The following PRRC2C variants were observed in gnomAD, a reference collection of about 807,000 sequenced individuals.
PRRC2C encodes the protein protein PRRC2C.
In PRRC2C, 72 loss-of-function variants were observed where a neutral mutation model predicts 317.2. The ratio of observed to expected loss-of-function variants is 0.23; its 90% CI spans 0.19 to 0.28. The LOEUF (loss-of-function observed/expected upper bound fraction) is 0.28. PRRC2C is among the 10% of genes least tolerant of loss of function. PRRC2C has a pLI of 1.00. For synonymous variants in PRRC2C, 1,296 were observed against 1,205.9 expected, an observed-to-expected ratio of 1.07 and a Z score of -1.55; for missense variants, 3,074 against 3,459.7, an observed-to-expected ratio of 0.89 and a Z score of 2.80.
Position 171,541,097 on chromosome 1 carries a change from A to G in PRRC2C, c.3631A>G (p.Arg1211Gly). Residue 1211 changes from arginine (R) to glycine (G), a missense_variant, in exon 16 of 35, where the codon AGG becomes GGG. Around this residue, in one of 11 missense-constraint regions of PRRC2C, gnomAD observed 1,320 missense variants for 1,395.7 expected, o/e 0.95. Transcript: ENST00000647382. The surrounding 1 kb of genome is among the most constrained non-coding windows in gnomAD (Gnocchi z 4.1). ...TAGAGGTTCTTATGGAGGGCGTGGC[A>G]GGGGTGGTAGGGGACACACTCGAGA... is the stretch of plus-strand genomic sequence containing the variant. ...SYRGSYGGRG[R>G]GGRGHTRDYP... 1 of 1,613,830 alleles carries G rather than the reference A, an allele frequency of 6.2e-7. No individual in the cohort carries two copies. The highest frequency in any genetic ancestry group is 8.5e-7 in the Non-Finnish European group (1 of 1,179,868).
chr1:171,561,148 A>G lies in PRRC2C; in HGVS notation c.6117+45A>G, dbSNP rs753935339. The G allele has an allele frequency of 2.7e-6, 4 of 1,502,084 alleles. No individual in the cohort carries two copies. In the South Asian group the frequency reaches 3.4e-5, roughly 13 times the overall value. The allele number at this position is 1,502,084 out of a possible 1,614,324, so 93.0% of individuals were successfully genotyped here. ...AGCATAGGTGTGCTGGATTTTCCCTAATACTTCAGTGTGGCCGGGTGTGGT... is the reference window on the plus strand; with the variant it reads ...AGCATAGGTGTGCTGGATTTTCCCTGATACTTCAGTGTGGCCGGGTGTGGT... On this transcript the variant is annotated intron_variant, in intron 20 of 34. Transcript: ENST00000647382.
At chr1:171,505,997 C>T (rs1031235756) in intron 1 of PRRC2C, among the ~76,000 whole-genome samples, 1 of 152,176 alleles carries the variant, frequency 6.6e-6, no homozygotes, top group African/African-American at 2.4e-5. Context: ...GAGCAATAGA[C>T]TATACCATAT....
chr1:171,541,551 C>T lies in PRRC2C; in HGVS notation c.4085C>T (p.Ser1362Leu). ...RGGRDPGGRP[S>L]RPSTLRRPAY... is the part of the protein sequence containing the mutation. ...GGAAGGGATCCTGGAGGCCGTCCAT[C>T]ACGCCCTTCCACTTTACGAAGACCA... is the stretch of plus-strand genomic sequence containing the variant. Residue 1362 changes from serine (S) to leucine (L), a missense_variant, in exon 16 of 35, where the codon TCA becomes TTA. By Grantham distance (145) the Ser-to-Leu change is moderately radical. Around this residue, in one of 11 missense-constraint regions of PRRC2C, gnomAD observed 1,320 missense variants for 1,395.7 expected, o/e 0.95. Transcript: ENST00000647382. The surrounding 1 kb of genome is among the most constrained non-coding windows in gnomAD (Gnocchi z 4.1). 2 of 1,613,440 alleles carry T rather than the reference C, an allele frequency of 1.2e-6. No individual in the cohort carries two copies. The highest frequency in any genetic ancestry group is 1.7e-6 in the Non-Finnish European group (2 of 1,179,764).
intron 1 of PRRC2C, among the ~76,000 whole-genome samples, chr1:171,496,859 G>A (rs943430336): frequency 2.0e-5 from 3 of 151,678 alleles, no homozygotes; most frequent in Non-Finnish European, 4.4e-5. Flanking sequence ...AGAGTGCAGT[G>A]GTGCAATCAT....
chr1:171,504,884 A>T (rs1366867154), intron 1 of PRRC2C, among the ~76,000 whole-genome samples: 1 of 152,138 alleles, frequency 6.6e-6, no homozygotes, highest in Non-Finnish European at 1.5e-5. Context: ...AAAATAATTG[A>T]CATCTTAATA....
chr1:171,486,978 A>G (rs1666245843), intron 1 of PRRC2C, among the ~76,000 whole-genome samples: 1 of 152,222 alleles, frequency 6.6e-6, no homozygotes, highest in South Asian at 2.1e-4. Context: ...CCCCTAAAAA[A>G]TTAGGAATAA....
chr1:171,524,543 C>CT, intron 9 of PRRC2C, among the ~76,000 whole-genome samples: 1 of 152,046 alleles, frequency 6.6e-6, no homozygotes, highest in South Asian at 2.1e-4. Flanking sequence ...GATTGTATTT[C>CT]TTATGTAGAG....
chr1:171,585,015 G>T (rs574189360), intron 30 of PRRC2C, among the ~76,000 whole-genome samples: 14 of 152,098 alleles, frequency 9.2e-5, no homozygotes, highest in African/African-American at 3.1e-4. Flanking sequence ...GGTTTCAAGC[G>T]ATCTGCCTGC....
At chr1:171,523,176 G>A (rs1327248524) in intron 7 of PRRC2C, 45 bp from the exon 8 acceptor site, 4 of 1,518,508 alleles carry the variant, frequency 2.6e-6, no homozygotes, top group East Asian at 4.6e-5. Flanking sequence ...TCCCAGTTTA[G>A]TATCATAAAC....
chr1:171,545,361 G>A (rs1678883629), intron 16 of PRRC2C, 118 bp from the exon 17 acceptor site: 5 of 813,962 alleles, frequency 6.1e-6, no homozygotes, highest in Non-Finnish European at 9.4e-6. Flanking sequence ...TTACAGTTAA[G>A]AGTTTTCTAT....
At chr1:171,585,313 C>T (rs564880397) in intron 30 of PRRC2C, among the ~76,000 whole-genome samples, 40 of 152,228 alleles carry the variant, frequency 2.6e-4, no homozygotes, top group African/African-American at 1.2e-4. Flanking sequence ...AGACTGTGAT[C>T]GAGCATAAAT....
chr1:171,545,616 C>T lies in PRRC2C; in HGVS notation c.4901C>T (p.Pro1634Leu). The change falls in exon 17 of 35, where the codon CCC becomes CTC. Residue 1634 changes from proline (P) to leucine (L), a missense_variant. This residue lies in a region of PRRC2C where 178 missense variants were observed against 163.0 expected (regional missense o/e 1.09). Transcript: ENST00000647382. ...KDSTGKKRED[P>L]KPGPKKPKEK... is the part of the protein sequence containing the mutation. ...TCTACTGGGAAAAAAAGAGAAGACC[C>T]CAAACCAGGCCCTAAAAAACCAAAA... is the stretch of plus-strand genomic sequence containing the variant. The T allele has an allele frequency of 6.2e-7, 1 of 1,612,688 alleles. No homozygotes were observed. Among genetic ancestry groups the T allele is most frequent in the Admixed American group, 1.7e-5 (1 of 59,926 alleles).
intron 1 of PRRC2C, among the ~76,000 whole-genome samples, chr1:171,505,168 C>T (rs1465472945): frequency 1.3e-5 from 2 of 152,052 alleles, no homozygotes; most frequent in East Asian, 3.9e-4. Flanking sequence ...GCTGGGATTA[C>T]AGGCATGTGC....
At chr1:171,549,180 T>A (rs1571936816) in intron 17 of PRRC2C, among the ~76,000 whole-genome samples, 1 of 152,188 alleles carries the variant, frequency 6.6e-6, no homozygotes, top group Non-Finnish European at 1.5e-5. Flanking sequence ...TTTCATTTTT[T>A]AAAACATTAT....
At chr1:171,522,324 A>G in intron 7 of PRRC2C, 65 bp downstream of exon 7, 1 of 1,145,274 alleles carries the variant, frequency 8.7e-7, no homozygotes, top group Non-Finnish European at 1.3e-6. Flanking sequence ...CTGAAGGTTG[A>G]GTGGATTGTG....
At chr1:171,486,079 CGTCT>C (rs2101985194) in intron 1 of PRRC2C, among the ~76,000 whole-genome samples, 1 of 149,954 alleles carries the variant, frequency 6.7e-6, no homozygotes, top group Admixed American at 6.7e-5. Context: ...AGGGGGTTTC[CGTCT>C]TCCTGGACTG....
intron 9 of PRRC2C, 63 bp downstream of exon 9, chr1:171,523,585 T>G: frequency 7.7e-7 from 1 of 1,297,942 alleles, no homozygotes; most frequent in Non-Finnish European, 1.1e-6. Context: ...TAGCTACTTA[T>G]GCAAAGAAGC....
chr1:171,563,276 T>G (rs1683036986), intron 20 of PRRC2C, among the ~76,000 whole-genome samples: 1 of 152,224 alleles, frequency 6.6e-6, no homozygotes, highest in Non-Finnish European at 1.5e-5. Context: ...GCATGTAACC[T>G]ATGCATAACC....
rs181661231 is a variant in PRRC2C at position 171,494,277 on chromosome 1, A to C, written c.-58+8542A>C. 6.6e-5 allele frequency among the ~76,000 whole-genome samples: 10 copies of C among 152,290 alleles called. No homozygotes were observed. The East Asian group carries it at 1.7e-3, about 26-fold the overall frequency. The stretch of plus-strand genomic sequence containing the variant: ...ATCCTACTCCGGAAACTTAATTCAC[A>C]TGTTTCAGTTTCCAGGAACAGCCTG... On this transcript the variant is annotated intron_variant, in intron 1 of 34. Coordinates refer to ENST00000647382, the MANE Select transcript of PRRC2C (RefSeq NM_001387844.1).
Sources: gnomAD v4.1 joint callset for allele counts (sites outside exome capture counted in the v4.1 genomes callset) on GRCh38, gnomAD v4.1.1 for gene constraint, gnomAD v4.1.1 regional missense constraint, Gnocchi (gnomAD v3.1) non-coding constraint, MANE v1.5 for transcripts, NCBI Gene and HGNC (gene_info 2026-07-23, HGNC 2026-07-21) for gene names.